TTC29: variants seen among roughly 807,000 people sequenced by gnomAD.
TTC29 encodes tetratricopeptide repeat domain 29, also known as tetratricopeptide repeat protein 29.
In TTC29, 49 loss-of-function variants were observed where a neutral mutation model predicts 58.1. That is an observed-to-expected ratio of 0.84 (90% confidence interval 0.67 to 1.07). TTC29 has a LOEUF of 1.07. TTC29 is among the 50% of genes least tolerant of loss of function. The pLI is 0.00. For missense variants in TTC29, 582 were observed against 555.6 expected (o/e 1.05, Z -0.48); for synonymous variants, 209 against 196.8 (o/e 1.06, Z -0.52).
At chr4:146,936,460 T>C (rs1256331771) in intron 4 of TTC29, among the ~76,000 whole-genome samples, 1 of 152,172 alleles carries the variant, frequency 6.6e-6, no homozygotes, top group East Asian at 1.9e-4. Flanking sequence ...GAAGTAGTTG[T>C]ACTATAATAC....
chr4:146,802,599 T>C (rs987897969), intron 11 of TTC29, among the ~76,000 whole-genome samples: 3 of 152,178 alleles, frequency 2.0e-5, no homozygotes, highest in African/African-American at 7.2e-5. Flanking sequence ...AGGAAATAAA[T>C]AAATATCAAA....
At chr4:146,721,654 A>G (rs1052360540) in intron 11 of TTC29, among the ~76,000 whole-genome samples, 1 of 152,150 alleles carries the variant, frequency 6.6e-6, no homozygotes, top group Non-Finnish European at 1.5e-5. Flanking sequence ...GAGTTAACGC[A>G]TCTATTCTTA....
chr4:146,737,626 A>G (rs1744821824), intron 11 of TTC29, among the ~76,000 whole-genome samples: 1 of 150,200 alleles, frequency 6.7e-6, no homozygotes, highest in African/African-American at 2.5e-5. Flanking sequence ...CTTGACAGGA[A>G]TAGCCACTGA....
At chr4:146,932,397 T>C (rs1225372154) in intron 4 of TTC29, among the ~76,000 whole-genome samples, 2 of 152,122 alleles carry the variant, frequency 1.3e-5, no homozygotes, top group African/African-American at 4.8e-5. Flanking sequence ...AAGAGCAAAC[T>C]TTTTTAAGAG....
intron 11 of TTC29, among the ~76,000 whole-genome samples, chr4:146,772,443 T>C (rs1332349830): frequency 6.6e-6 from 1 of 152,112 alleles, no homozygotes; most frequent in Non-Finnish European, 1.5e-5. Flanking sequence ...TTCAATCTCC[T>C]CCATATGGCT....
chr4:146,791,274 A>G (rs1162226527), intron 11 of TTC29, among the ~76,000 whole-genome samples: 2 of 152,198 alleles, frequency 1.3e-5, no homozygotes, highest in African/African-American at 4.8e-5. Flanking sequence ...AAGCAAGTCT[A>G]TCAACACAAT....
chr4:146,923,333 G>A (rs938416795), intron 4 of TTC29, among the ~76,000 whole-genome samples: 5 of 151,370 alleles, frequency 3.3e-5, no homozygotes, highest in South Asian at 2.1e-4. Flanking sequence ...ACACACGCGC[G>A]TGCACACTAA....
intron 11 of TTC29, among the ~76,000 whole-genome samples, chr4:146,708,316 A>ATATATATATACATACATG (rs1742150109): frequency 8.1e-4 from 21 of 25,834 alleles, no homozygotes; most frequent in African/African-American, 1.3e-3. Flanking sequence ...GTTTATATAT[A>ATATATATATACATACATG]TATATATATA....
At chr4:146,926,365 T>A (rs28507061) in intron 4 of TTC29, among the ~76,000 whole-genome samples, 1 of 152,216 alleles carries the variant, frequency 6.6e-6, no homozygotes, top group Non-Finnish European at 1.5e-5. Flanking sequence ...TGTTCCCTCA[T>A]AGTAACTGTA....
At chr4:146,726,620 A>T (rs1054224361) in intron 11 of TTC29, among the ~76,000 whole-genome samples, 4 of 152,162 alleles carry the variant, frequency 2.6e-5, no homozygotes, top group Admixed American at 6.5e-5. Context: ...AAGATGGTAT[A>T]TAGACAGCAT....
In TTC29 at chr4:146,730,263, C is replaced by T. The variant is rs140241704; in HGVS notation, c.1331-22712G>A. Among the ~76,000 whole-genome samples, 69 of 152,076 alleles carry T rather than the reference C, an allele frequency of 4.5e-4. No homozygotes were observed. The East Asian group carries it at 8.3e-3, about 18-fold the overall frequency. ...AAGGAAATCATGTCATTTGCAGCAA[C>T]GTGGAGGCAGCTGGAGGGCATTACC... On this transcript the variant is annotated intron_variant, in intron 11 of 12. Transcript: ENST00000325106.
At chr4:146,795,940 G>A (rs1440501588) in intron 11 of TTC29, among the ~76,000 whole-genome samples, 2 of 152,200 alleles carry the variant, frequency 1.3e-5, no homozygotes, top group Non-Finnish European at 2.9e-5. Context: ...GACCCTTGCT[G>A]AGAATGAGAC....
chr4:146,943,799 A>G (rs1413369070), intron 2 of TTC29, among the ~76,000 whole-genome samples: 2 of 152,202 alleles, frequency 1.3e-5, no homozygotes, highest in Non-Finnish European at 2.9e-5. Flanking sequence ...ATACCTGTAA[A>G]GAAAGCCTTT....
At chr4:146,910,775 A>G (rs975742503) in intron 4 of TTC29, among the ~76,000 whole-genome samples, 2 of 152,188 alleles carry the variant, frequency 1.3e-5, no homozygotes. Context: ...AAGAGACCAC[A>G]TGGATCCTAG....
intron 4 of TTC29, among the ~76,000 whole-genome samples, chr4:146,936,453 G>A (rs1218285982): frequency 1.3e-5 from 2 of 152,054 alleles, no homozygotes; most frequent in African/African-American, 4.8e-5. Flanking sequence ...CTTTTAAGAA[G>A]TAGTTGTACT....
intron 8 of TTC29, among the ~76,000 whole-genome samples, chr4:146,847,933 C>T (rs576986965): frequency 3.9e-4 from 59 of 152,324 alleles, no homozygotes; most frequent in Admixed American, 7.2e-4. Flanking sequence ...CTAAATCCTC[C>T]CACTGAGGGA....
intron 4 of TTC29, among the ~76,000 whole-genome samples, chr4:146,930,104 T>TACAC (rs1238310220): frequency 6.2e-5 from 8 of 129,778 alleles, no homozygotes; most frequent in African/African-American, 2.5e-4. Context: ...TATATATATA[T>TACAC]ATATATATAT....
intron 11 of TTC29, among the ~76,000 whole-genome samples, chr4:146,712,329 G>A (rs1742559744): frequency 6.6e-6 from 1 of 152,248 alleles, no homozygotes; most frequent in Non-Finnish European, 1.5e-5. Flanking sequence ...TACGAAAGCT[G>A]TCCTTTGGGA....
chr4:146,787,278 T>C (rs1452775523), intron 11 of TTC29, among the ~76,000 whole-genome samples: 1 of 152,174 alleles, frequency 6.6e-6, no homozygotes, highest in African/African-American at 2.4e-5. Context: ...GAAATTATCA[T>C]AGGTGGGACA....
Sources: allele counts gnomAD v4.1 joint callset (sites outside exome capture counted in the v4.1 genomes callset), GRCh38; gene constraint gnomAD v4.1.1; transcripts MANE v1.5; gene names NCBI Gene and HGNC (gene_info 2026-07-23, HGNC 2026-07-21).